The following HSD17B12 variants were observed in gnomAD, a reference collection of about 807,000 sequenced individuals.
HSD17B12 encodes the protein very-long-chain 3-oxoacyl-CoA reductase.
HSD17B12 carries 32 observed loss-of-function variants against 39.3 expected under a neutral mutation model. The ratio of observed to expected loss-of-function variants is 0.81; its 90% CI spans 0.61 to 1.09. HSD17B12 has a LOEUF of 1.09. HSD17B12 is among the 50% of genes least tolerant of loss of function. The probability of loss-of-function intolerance (pLI) is 0.00; values close to 1 mark genes in which losing one functional copy is unlikely to be tolerated. For synonymous variants in HSD17B12, 150 were observed against 146.7 expected (o/e 1.02, Z -0.16); for missense variants, 342 against 382.9 (o/e 0.89, Z 0.89).
At chr11:43,822,710 T>C (rs1951194949) in intron 6 of HSD17B12, among the ~76,000 whole-genome samples, 1 of 152,230 alleles carries the variant, frequency 6.6e-6, no homozygotes, top group Admixed American at 6.5e-5. Context: ...ATGTGCCACA[T>C]TTTCTTAATC....
At chr11:43,798,296 C>T (rs757513282) in intron 3 of HSD17B12, 24 bp from the exon 4 acceptor site, 12 of 1,412,358 alleles carry the variant, frequency 8.5e-6, no homozygotes, top group African/African-American at 1.4e-5. Context: ...TGTCTCTCCC[C>T]GTTTGTGTTT....
At chr11:43,557,898 G>C in the HSD17B12 span, among the ~76,000 whole-genome samples, 1 of 152,100 alleles carries the variant, frequency 6.6e-6, no homozygotes, top group African/African-American at 2.4e-5. Flanking sequence ...AAGCTAAATG[G>C]GGCAGGGGCT....
chr11:43,585,140 C>G, the HSD17B12 span, among the ~76,000 whole-genome samples: 1 of 152,206 alleles, frequency 6.6e-6, no homozygotes, highest in Non-Finnish European at 1.5e-5. Flanking sequence ...AACTGGAGTT[C>G]GGCCTAGGAT....
chr11:43,798,264 A>C (rs1448150722), intron 3 of HSD17B12, 56 bp from the exon 4 acceptor site: 1 of 973,908 alleles, frequency 1.0e-6, no homozygotes, highest in African/African-American at 1.6e-5. Flanking sequence ...CTTAATCTTC[A>C]CTGCCATGTA....
intron 1 of HSD17B12, among the ~76,000 whole-genome samples, chr11:43,716,172 C>G (rs1295225434): frequency 6.6e-6 from 1 of 152,190 alleles, no homozygotes; most frequent in Admixed American, 6.5e-5. Context: ...GGATGTGTCT[C>G]AAACCCTGAA....
At chr11:43,639,850 T>C in the HSD17B12 span, among the ~76,000 whole-genome samples, 3 of 152,180 alleles carry the variant, frequency 2.0e-5, no homozygotes. Context: ...GTGTCTGCGG[T>C]TGGCATTCTT....
At chr11:43,684,609 T>A (rs1949780775) in intron 1 of HSD17B12, among the ~76,000 whole-genome samples, 1 of 152,230 alleles carries the variant, frequency 6.6e-6, no homozygotes, top group Non-Finnish European at 1.5e-5. Context: ...TTATTTTTAG[T>A]TTTTAATGAA....
At chr11:43,605,944 A>G in the HSD17B12 span, among the ~76,000 whole-genome samples, 18 of 152,322 alleles carry the variant, frequency 1.2e-4, no homozygotes, top group African/African-American at 4.1e-4. Flanking sequence ...TTGTGAATAC[A>G]GCTGATCTAA....
chr11:43,625,532 T>C, the HSD17B12 span, among the ~76,000 whole-genome samples: 1 of 151,412 alleles, frequency 6.6e-6, no homozygotes, highest in Non-Finnish European at 1.5e-5. Context: ...ACTAAAACAT[T>C]TTTAAAGAAT....
At chr11:43,825,366 A>C (rs957340321) in intron 6 of HSD17B12, among the ~76,000 whole-genome samples, 3 of 152,214 alleles carry the variant, frequency 2.0e-5, no homozygotes, top group African/African-American at 7.2e-5. Flanking sequence ...ATGGGTGAAA[A>C]GCACGGAAAC....
chr11:43,816,974 C>T (rs1951129306), intron 6 of HSD17B12, among the ~76,000 whole-genome samples: 1 of 148,552 alleles, frequency 6.7e-6, no homozygotes, highest in South Asian at 2.1e-4. Context: ...AGTAGTATTC[C>T]ATCATATATA....
intron 3 of HSD17B12, among the ~76,000 whole-genome samples, chr11:43,782,700 A>G (rs1950778012): frequency 6.6e-6 from 1 of 151,904 alleles, no homozygotes; most frequent in Non-Finnish European, 1.5e-5. Flanking sequence ...ATAGGAAAGC[A>G]TGAGCCCATT....
At chr11:43,810,253 T>C (rs1431328340) in intron 4 of HSD17B12, among the ~76,000 whole-genome samples, 1 of 152,008 alleles carries the variant, frequency 6.6e-6, no homozygotes, top group East Asian at 1.9e-4. Context: ...GAGAGGATTC[T>C]AAGTTCAGTG....
At chr11:43,595,935 G>A in the HSD17B12 span, among the ~76,000 whole-genome samples, 1 of 152,182 alleles carries the variant, frequency 6.6e-6, no homozygotes, top group African/African-American at 2.4e-5. Context: ...CCTGAAGAAT[G>A]AGTTCATTCT....
intron 1 of HSD17B12, among the ~76,000 whole-genome samples, chr11:43,712,417 C>T (rs1337503778): frequency 6.6e-6 from 1 of 152,064 alleles, no homozygotes; most frequent in Non-Finnish European, 1.5e-5. Context: ...CAGAGTGAGA[C>T]TCTGTCTCAA....
the HSD17B12 span, among the ~76,000 whole-genome samples, chr11:43,662,957 G>C: frequency 6.6e-6 from 1 of 152,196 alleles, no homozygotes; most frequent in Non-Finnish European, 1.5e-5. Flanking sequence ...TTAATTCAGA[G>C]ATAGGATTCA....
intron 1 of HSD17B12, among the ~76,000 whole-genome samples, chr11:43,685,080 G>T (rs1257332915): frequency 1.3e-5 from 2 of 152,124 alleles, no homozygotes; most frequent in Non-Finnish European, 2.9e-5. Context: ...AGTGAGGTCA[G>T]ATTTCACAAA....
the HSD17B12 span, among the ~76,000 whole-genome samples, chr11:43,558,210 GA>G: frequency 6.6e-6 from 1 of 152,164 alleles, no homozygotes; most frequent in African/African-American, 2.4e-5. Flanking sequence ...AAGAGAGGTG[GA>G]GGGGTGGAGA....
intron 3 of HSD17B12, among the ~76,000 whole-genome samples, chr11:43,792,137 T>G (rs1020859301): frequency 1.3e-5 from 2 of 152,082 alleles, no homozygotes; most frequent in Non-Finnish European, 2.9e-5. Context: ...CCCCAAGGGA[T>G]AGTAGGGATG....
Sources: allele counts gnomAD v4.1 joint callset (sites outside exome capture counted in the v4.1 genomes callset), GRCh38; gene constraint gnomAD v4.1.1; transcripts MANE v1.5; gene names NCBI Gene and HGNC (gene_info 2026-07-23, HGNC 2026-07-21).